The following ZMYM3 variants were observed in gnomAD, a reference collection of about 807,000 sequenced individuals.
ZMYM3 encodes zinc finger MYM-type containing 3, also known as zinc finger MYM-type protein 3.
A neutral mutation model predicts 94.2 loss-of-function variants in ZMYM3; 6 were observed. The ratio of observed to expected loss-of-function variants is 0.06; its 90% CI spans 0.03 to 0.13. The LOEUF is 0.13. ZMYM3 is among the 10% of genes least tolerant of loss of function. The probability of loss-of-function intolerance (pLI) is 1.00; values close to 1 mark genes in which losing one functional copy is unlikely to be tolerated. For missense variants in ZMYM3, 664 were observed against 1,132.6 expected, an observed-to-expected ratio of 0.59 and a Z score of 5.94; for synonymous variants, 420 against 426.5, an observed-to-expected ratio of 0.98 and a Z score of 0.19.
chrX:71,245,634 CCT>C (rs1363501540), intron 17 of ZMYM3, 32 bp downstream of exon 17: 1 of 1,197,428 alleles, frequency 8.4e-7, no homozygotes, highest in African/African-American at 1.8e-5. Flanking sequence ...CTGGTAGCAC[CCT>C]GTCTCCCTCG....
chrX:71,242,947 G>A, intron 22 of ZMYM3, 23 bp downstream of exon 22: 1 of 1,175,360 alleles, frequency 8.5e-7, no homozygotes, highest in Non-Finnish European at 1.2e-6. Context: ...GCGGGTAGGG[G>A]TTGCTACGTC....
intron 21 of ZMYM3, chrX:71,243,566 T>C (rs899111448): frequency 5.7e-6 from 2 of 353,715 alleles, no homozygotes; most frequent in Non-Finnish European, 9.8e-6. Flanking sequence ...CTGCTTCAGG[T>C]AGGGGACAAG....
chrX:71,243,353 G>A (rs978118516), intron 21 of ZMYM3, among the ~76,000 whole-genome samples: 1 of 111,016 alleles, frequency 9.0e-6, no homozygotes, highest in African/African-American at 3.3e-5. Context: ...CTTCTCCCAG[G>A]GGGAACTAAA....
chrX:71,247,493 C>T lies in ZMYM3; in HGVS notation c.2166G>A (p.Ala722=), dbSNP rs980398792. ...LWYCKAARCH[A]CKRQGKLLET... ...CCAGCAGCTTCCCCTGGCGCTTACA[C>T]GCATGGCACCGGGCAGCCTGAGGAT... The change falls in exon 13 of 25, where the codon GCG becomes GCA. Residue 722 remains alanine, a synonymous_variant. Transcript: ENST00000314425. 7 of 1,209,600 alleles carry T rather than the reference C, an allele frequency of 5.8e-6. No individual in the cohort carries two copies. The highest frequency in any genetic ancestry group is 3.0e-5 in the East Asian group (1 of 33,752).
rs1450936613 is a variant in ZMYM3, at chrX:71,250,560, C to G, written c.945G>C (p.Arg315=). The change falls in exon 5 of 25, where the codon CGG becomes CGC. Residue 315 remains arginine, a synonymous_variant. Coordinates refer to ENST00000314425, the MANE Select transcript of ZMYM3 (RefSeq NM_201599.3). The part of the protein sequence containing the change: ...VGTKMTCAHC[R]TPLQKGQTAY... Reference sequence around the variant, plus strand: ...CAGTCTGCCCCTTCTGCAGTGGTGTCCGGCAATGTGCACAAGTCATCTTGG... The same window carrying G: ...CAGTCTGCCCCTTCTGCAGTGGTGTGCGGCAATGTGCACAAGTCATCTTGG... 8.3e-7 allele frequency: 1 copy of G among 1,210,111 alleles called. No homozygotes were observed. Among genetic ancestry groups the G allele is most frequent in the East Asian group, 3.0e-5 (1 of 33,773 alleles).
intron 15 of ZMYM3, 118 bp downstream of exon 15, chrX:71,246,235 A>T (rs770437234): frequency 9.2e-7 from 1 of 1,090,492 alleles, no homozygotes; most frequent in East Asian, 3.0e-5. Context: ...ATTCTAGGAC[A>T]ACCATATGAA....
At chrX:71,251,313 TGGG>T in intron 3 of ZMYM3, 69 bp from the exon 4 acceptor site, 1 of 431,545 alleles carries the variant, frequency 2.3e-6, no homozygotes, top group South Asian at 3.5e-5. Flanking sequence ...GTACAGGGTT[TGGG>T]GGGGGATAGA....
intron 16 of ZMYM3, 28 bp downstream of exon 16, chrX:71,245,958 C>A: frequency 8.3e-7 from 1 of 1,201,058 alleles, no homozygotes; most frequent in Non-Finnish European, 1.1e-6. Flanking sequence ...GAAAGGAGGA[C>A]CCAGCCAGGA....
At chrX:71,250,761 A>G (rs765563791) in intron 4 of ZMYM3, 35 bp from the exon 5 acceptor site, 1 of 1,142,050 alleles carries the variant, frequency 8.8e-7, no homozygotes, top group Non-Finnish European at 1.2e-6. Context: ...GAGAAAGGCC[A>G]CCAAACCAGG....
At chrX:71,244,251 C>A in intron 20 of ZMYM3, 51 bp downstream of exon 20, 1 of 1,176,230 alleles carries the variant, frequency 8.5e-7, no homozygotes, top group South Asian at 1.9e-5. Flanking sequence ...CCCCTTTCCC[C>A]TCCTCCTCCC....
chrX:71,246,142 G>T, intron 15 of ZMYM3, 44 bp from the exon 16 acceptor site: 1 of 1,159,029 alleles, frequency 8.6e-7, no homozygotes, highest in Non-Finnish European at 1.2e-6. Flanking sequence ...TGCTGGACTG[G>T]TCACATCTGA....
intron 2 of ZMYM3, 135 bp from the exon 3 acceptor site, chrX:71,251,736 T>C: frequency 9.4e-7 from 1 of 1,064,752 alleles, no homozygotes; most frequent in Non-Finnish European, 1.2e-6. Context: ...CTGTGGCTTC[T>C]TGGGGCCCCT....
chrX:71,245,286 C>G (rs976029219), intron 18 of ZMYM3, 53 bp downstream of exon 18: 4 of 1,190,063 alleles, frequency 3.4e-6, no homozygotes, highest in African/African-American at 3.5e-5. Context: ...CACTCCCTTC[C>G]TGATGGCACA....
In ZMYM3 at chrX:71,250,692, T is replaced by C. The variant is rs369995199; in HGVS notation, c.813A>G (p.Val271=). Residue 271 remains valine (V), a synonymous_variant, in exon 5 of 25, where the codon GTA becomes GTG. Coordinates refer to ENST00000314425, the MANE Select transcript of ZMYM3 (RefSeq NM_201599.3). ...CAAAGTCCTCATCATTGGGGTCATC[T>C]ACCATGGCATCAGAATCCTCATCTG... ...PVSDEDSDAM[V]DDPNDEDFVP... 4 of 1,200,567 alleles carry C rather than the reference T, an allele frequency of 3.3e-6. No homozygotes were observed. In the African/African-American group the frequency reaches 7.0e-5, roughly 21 times the overall value.
chrX:71,241,495 T>A lies in ZMYM3; in HGVS notation c.3803-151A>T, dbSNP rs189124020. 27 of 429,014 alleles carry A rather than the reference T, an allele frequency of 6.3e-5. 1 individual carries two copies. The highest frequency in any genetic ancestry group is 4.9e-4 in the Admixed American group (11 of 22,452). The allele number at this position is 429,014 out of a possible 1,213,427, so 35.4% of individuals were successfully genotyped here. ...AGGTGGAAGAAGAGGTCAGTCTCCC[T>A]CTCCCACGCCAACCCAACATCCTGT... is the stretch of plus-strand genomic sequence containing the variant. On this transcript the variant is annotated intron_variant, in intron 23 of 24. Transcript: ENST00000314425.
intron 7 of ZMYM3, 89 bp from the exon 8 acceptor site, chrX:71,249,258 T>A: frequency 5.9e-6 from 7 of 1,176,509 alleles, no homozygotes; most frequent in Admixed American, 4.9e-5. Context: ...ATTTCAGGCA[T>A]ACAAAAAAAG....
chrX:71,253,003 G>GCC lies in ZMYM3; in HGVS notation c.251_252dup (p.Leu85GlyfsTer29), dbSNP rs764250600. On this transcript the variant is annotated frameshift_variant, in exon 2 of 25. Coordinates refer to ENST00000314425, the MANE Select transcript of ZMYM3 (RefSeq NM_201599.3). LOFTEE classifies it high-confidence loss of function. ...GGGGGAGAGGGGGCTTTATAGAGCA[G>GCC]CCCCCCCAGCCCCAGCAACTCAGTG... 8.4e-7 allele frequency: 1 copy of GCC among 1,196,263 alleles called. No homozygotes were observed.
At chrX:71,255,000 G>C (rs770387302), upstream of ZMYM3, 11 of 107,262 alleles carry the variant, frequency 1.0e-4, no homozygotes, top group Non-Finnish European at 1.9e-4. Context: ...ACAGTCTTAG[G>C]GTAAGTTCTG....
chrX:71,250,888 TTGG>T (rs1288476007), intron 4 of ZMYM3, among the ~76,000 whole-genome samples, 162 bp from the exon 5 acceptor site: 1 of 111,500 alleles, frequency 9.0e-6, no homozygotes, highest in African/African-American at 3.3e-5. Context: ...TCTCTCTCCC[TTGG>T]TTACTCTGTA....
Sources: allele counts gnomAD v4.1 joint callset (sites outside exome capture counted in the v4.1 genomes callset), GRCh38; gene constraint gnomAD v4.1.1; transcripts MANE v1.5; gene names NCBI Gene and HGNC (gene_info 2026-07-23, HGNC 2026-07-21).